Variants in CELA3B observed in about 807,000 individuals in gnomAD.
CELA3B encodes chymotrypsin-like elastase family member 3B.
In CELA3B, 34 loss-of-function variants were observed where a neutral mutation model predicts 37.2. That is an observed-to-expected ratio of 0.91 (90% CI 0.70 to 1.22). CELA3B has a LOEUF of 1.22. Ranked by LOEUF, CELA3B falls within the 50% of genes most tolerant of loss-of-function variation. CELA3B has a pLI of 0.00. For synonymous variants in CELA3B, 127 were observed against 143.5 expected (o/e 0.89, Z 0.82); for missense variants, 340 against 363.1 (o/e 0.94, Z 0.52).
chr1:21,980,258 T>C (rs1403051257), intron 2 of CELA3B, among the ~76,000 whole-genome samples: 3 of 144,250 alleles, frequency 2.1e-5, no homozygotes, highest in African/African-American at 7.6e-5. Flanking sequence ...GGTGGGCAGA[T>C]CACCTGAGGT....
intron 6 of CELA3B, among the ~76,000 whole-genome samples, chr1:21,986,262 A>G (rs10917099): frequency 0.89 from 135,471 of 151,684 alleles, 60,929 homozygotes; most frequent in Middle Eastern, 0.96. Flanking sequence ...CCAGCTACTT[A>G]GGAGGCTGAA....
At chr1:21,994,582 G>C (rs1370589346) in intron 4 of CELA3B, among the ~76,000 whole-genome samples, 1 of 151,150 alleles carries the variant, frequency 6.6e-6, no homozygotes, top group Non-Finnish European at 1.5e-5. Context: ...TCCTGAGGAG[G>C]AAGCCAGCAG....
chr1:21,990,914 A>T (rs1465414302), downstream of CELA3B, among the ~76,000 whole-genome samples: 1 of 75,966 alleles, frequency 1.3e-5, no homozygotes, highest in African/African-American at 4.2e-5. Flanking sequence ...AAAAAAAAAA[A>T]TTCAACGGAA....
At position 21,977,155 on chromosome 1, in the gene CELA3B, C is replaced by G. The variant is rs896484176; in HGVS notation, c.43+73C>G. 1.9e-6 allele frequency: 3 copies of G among 1,604,092 alleles called. No individual in the cohort carries two copies. In the African/African-American group the frequency reaches 4.0e-5, roughly 21 times the overall value. On this transcript the variant is annotated intron_variant, in intron 1 of 7. Transcript: ENST00000337107. ...GAATCCTTGAAATCTACCACTTGCT[C>G]TAAGTCCCATGACACCCTATGCCTG...
chr1:21,988,184 C>G (rs1286633580), intron 7 of CELA3B, among the ~76,000 whole-genome samples: 1 of 151,542 alleles, frequency 6.6e-6, no homozygotes, highest in Non-Finnish European at 1.5e-5. Context: ...TGCACTCCAG[C>G]CTGGGTGACA....
chr1:21,981,936 A>G lies in CELA3B; in HGVS notation c.362+764A>G, dbSNP rs555244556. ...GAGACGGGGTTTCACCGTGTTAGCCAGGATGATCTCGATCTCCTGACCTCG... is the reference window on the plus strand; with the variant it reads ...GAGACGGGGTTTCACCGTGTTAGCCGGGATGATCTCGATCTCCTGACCTCG... On this transcript the variant is annotated intron_variant, in intron 4 of 7. Transcript: ENST00000337107. Among the ~76,000 whole-genome samples, 279 of 152,192 alleles carry G rather than the reference A, an allele frequency of 1.8e-3. 1 individual carries two copies. Among genetic ancestry groups the G allele is most frequent in the African/African-American group, 6.1e-3 (254 of 41,534 alleles).
chr1:21,998,226 T>G (rs1443465046), exon 5 of CELA3B: 1 of 469,272 alleles, frequency 2.1e-6, no homozygotes, highest in Non-Finnish European at 4.4e-6. Context: ...CACTGGCATA[T>G]TAAAGGCTCT....
chr1:21,996,810 C>A (rs1469811393), intron 4 of CELA3B, among the ~76,000 whole-genome samples: 1 of 150,954 alleles, frequency 6.6e-6, no homozygotes, highest in East Asian at 2.0e-4. Context: ...ACAAGAGATA[C>A]CTGCATACTG....
At chr1:21,992,130 A>G (rs1303512390), downstream of CELA3B, among the ~76,000 whole-genome samples, 1 of 134,300 alleles carries the variant, frequency 7.4e-6, no homozygotes, top group African/African-American at 2.6e-5. Flanking sequence ...CAAAAAAAAA[A>G]GAAGGAGCTG....
chr1:21,986,341 A>T (rs1644838639), intron 6 of CELA3B, among the ~76,000 whole-genome samples, 190 bp from the exon 7 acceptor site: 1 of 151,872 alleles, frequency 6.6e-6, no homozygotes, highest in African/African-American at 2.4e-5. Context: ...GCTCCACTGC[A>T]CTCCAGCCTG....
intron 4 of CELA3B, among the ~76,000 whole-genome samples, chr1:21,995,799 G>A (rs1430318717): frequency 1.4e-5 from 2 of 146,094 alleles, no homozygotes; most frequent in African/African-American, 5.2e-5. Flanking sequence ...GGAAATCAGG[G>A]TATTAGCAGC....
exon 5 of CELA3B, chr1:21,998,236 TGAGAA>T: frequency 2.1e-6 from 1 of 467,846 alleles, no homozygotes; most frequent in Non-Finnish European, 4.4e-6. Flanking sequence ...TTAAAGGCTC[TGAGAA>T]GTCCTGTAGG....
intron 7 of CELA3B, among the ~76,000 whole-genome samples, chr1:21,988,079 G>T (rs1413544793): frequency 1.3e-5 from 2 of 149,818 alleles, no homozygotes; most frequent in Non-Finnish European, 3.0e-5. Flanking sequence ...GGGCGTATTG[G>T]TGCATGCCTG....
At chr1:21,985,892 G>GA (rs552316251) in intron 6 of CELA3B, among the ~76,000 whole-genome samples, 7 of 125,424 alleles carry the variant, frequency 5.6e-5, no homozygotes, top group South Asian at 2.9e-4. Flanking sequence ...CACTGACTCA[G>GA]AAAAAAAAAG....
chr1:21,995,148 T>TTC lies in CELA3B; in HGVS notation c.505-3002_505-3001insCT, dbSNP rs781402656. On this transcript the variant is annotated intron_variant, in intron 4 of 4. Coordinates refer to the CELA3B transcript ENST00000400277. ...CTCTCCCCCTTTCTTTTCTTTCTTT[T>TTC]TTTTTTTTTTTTTGAGACAGAGTCT... Among the ~76,000 whole-genome samples the TTC allele has an allele frequency of 7.3e-4, 53 of 72,390 alleles. 1 individual carries two copies. The highest frequency in any genetic ancestry group is 8.5e-4 in the East Asian group (1 of 1,182). 47.5% of individuals were successfully genotyped at this position (72,390 alleles called of 152,430 possible). A position where few individuals can be genotyped will look rare whatever the true frequency, so the allele number is the denominator to read the frequency against.
At chr1:21,980,693 C>T (rs1380096653) in intron 2 of CELA3B, 131 bp from the exon 3 acceptor site, 9 of 688,564 alleles carry the variant, frequency 1.3e-5, no homozygotes, top group Non-Finnish European at 2.2e-5. Context: ...CTGCATATTT[C>T]AGTGGGTGCT....
chr1:21,977,945 G>T (rs1402083823), intron 1 of CELA3B: 1 of 351,060 alleles, frequency 2.8e-6, no homozygotes, highest in African/African-American at 2.2e-5. Flanking sequence ...CCGGGCTCAA[G>T]CGATCCTCCC....
Position 21,983,798 on chromosome 1 carries a change from C to G in CELA3B, c.467C>G (p.Pro156Arg), listed in dbSNP as rs1486757785. 2.5e-6 allele frequency: 4 copies of G among 1,613,974 alleles called. No individual in the cohort carries two copies. Among genetic ancestry groups the G allele is most frequent in the Non-Finnish European group, 3.4e-6 (4 of 1,180,034 alleles). Reference sequence around the variant, plus strand: ...GGTGACATCCTTCCCAACGAGACACCCTGCTACATCACCGGCTGGGGCCGT... The same window carrying G: ...GGTGACATCCTTCCCAACGAGACACGCTGCTACATCACCGGCTGGGGCCGT... ...PAGDILPNET[P>R]CYITGWGRLY... Residue 156 changes from proline (P) to arginine (R), a missense_variant, in exon 5 of 8, where the codon CCC becomes CGC. Transcript: ENST00000337107.
chr1:21,983,594 C>G, intron 4 of CELA3B, 100 bp from the exon 5 acceptor site: 2 of 1,451,836 alleles, frequency 1.4e-6, no homozygotes, highest in South Asian at 2.6e-5. Context: ...GGTGAAGGAG[C>G]TGGGGCATCT....
Sources: gnomAD v4.1 joint callset for allele counts (sites outside exome capture counted in the v4.1 genomes callset) on GRCh38, gnomAD v4.1.1 for gene constraint, MANE v1.5 for transcripts, NCBI Gene and HGNC (gene_info 2026-07-23, HGNC 2026-07-21) for gene names.